PER2: variants seen among roughly 807,000 people sequenced by gnomAD.
PER2 encodes the protein period circadian regulator 2, also known as period circadian protein homolog 2.
Under a neutral mutation model 121.0 loss-of-function variants are expected in PER2, and 66 were observed. The observed-to-expected ratio is 0.55, with a 90% CI of 0.45 to 0.67. The LOEUF is 0.67. PER2 is among the 30% of genes least tolerant of loss of function. The pLI, the probability that PER2 is intolerant of heterozygous loss-of-function variation, is 0.00. For missense variants in PER2, 1,521 were observed against 1,635.0 expected (o/e 0.93, Z 1.20); for synonymous variants, 684 against 659.9 (o/e 1.04, Z -0.56).
chr2:238,288,946 A>G (rs943205498), upstream of PER2, among the ~76,000 whole-genome samples: 3 of 152,218 alleles, frequency 2.0e-5, no homozygotes. Flanking sequence ...TAAGACGCAC[A>G]TGGAACTCCA....
At chr2:238,279,136 G>A (rs1696551193) in intron 1 of PER2, among the ~76,000 whole-genome samples, 2 of 152,150 alleles carry the variant, frequency 1.3e-5, no homozygotes, top group South Asian at 4.1e-4. Context: ...ACCCAGTGAT[G>A]TCTCCCCATC....
At chr2:238,298,445 G>A in the PER2 span, 7 of 152,188 alleles carry the variant, frequency 4.6e-5, no homozygotes, top group African/African-American at 7.2e-5. Flanking sequence ...AAGGCTTCAC[G>A]TTGGAATCTA....
chr2:238,249,234 C>G, intron 21 of PER2, 22 bp from the exon 22 acceptor site: 1 of 1,609,304 alleles, frequency 6.2e-7, no homozygotes. Flanking sequence ...ATTTAGAAAT[C>G]GGTAAGCTTT....
At chr2:238,296,058 C>CACGGACACGGGCAGACA in the PER2 span, among the ~76,000 whole-genome samples, 1 of 135,384 alleles carries the variant, frequency 7.4e-6, no homozygotes, top group Non-Finnish European at 1.6e-5. Flanking sequence ...GTGTGCCCTC[C>CACGGACACGGGCAGACA]TGCTGCAGAG....
chr2:238,263,303 G>A (rs1037358826), intron 9 of PER2, among the ~76,000 whole-genome samples: 8 of 152,150 alleles, frequency 5.3e-5, no homozygotes, highest in African/African-American at 1.9e-4. Context: ...TCAGCTCTGC[G>A]TTTCACCTCC....
At chr2:238,297,227 G>C in the PER2 span, among the ~76,000 whole-genome samples, 7 of 152,360 alleles carry the variant, frequency 4.6e-5, no homozygotes, top group African/African-American at 1.7e-4. Flanking sequence ...AGAGGACCAG[G>C]AGAAATGACA....
intron 1 of PER2, among the ~76,000 whole-genome samples, chr2:238,286,605 C>CA (rs2106333959): frequency 6.6e-6 from 1 of 152,334 alleles, no homozygotes; most frequent in East Asian, 1.9e-4. Flanking sequence ...AGTGTGGCGA[C>CA]AGTCTCTGCC....
the PER2 span, among the ~76,000 whole-genome samples, chr2:238,296,083 T>TGTGA: frequency 2.4e-4 from 14 of 57,188 alleles, no homozygotes; most frequent in South Asian, 9.5e-4. Flanking sequence ...TCGTGTGCCC[T>TGTGA]CCTGCTGCAG....
intron 16 of PER2, 92 bp downstream of exon 16, chr2:238,258,184 C>T (rs1324382546): frequency 7.3e-7 from 1 of 1,376,608 alleles, no homozygotes; most frequent in Non-Finnish European, 1.0e-6. Flanking sequence ...TACACCCTTA[C>T]ACTGTGTCCA....
chr2:238,261,841 C>A lies in PER2; in HGVS notation c.1308-4G>T. ...CACGTCCTCATTCAAAGGGCCCCTG[C>A]GTGGTTTTAATTCATCTTGTTAGAT... On this transcript the variant is annotated splice_polypyrimidine_tract_variant and splice_region_variant and intron_variant, in intron 11 of 22. Transcript: ENST00000254657. The A allele has an allele frequency of 2.6e-6, 4 of 1,552,992 alleles. No homozygotes were observed. The highest frequency in any genetic ancestry group is 1.7e-6 in the Non-Finnish European group (2 of 1,146,566).
chr2:238,293,469 G>A (rs549422399), upstream of PER2, among the ~76,000 whole-genome samples: 95 of 152,142 alleles, frequency 6.2e-4, no homozygotes, highest in African/African-American at 2.0e-3. Context: ...GGTCATTAAG[G>A]CCATTAAGAA....
At chr2:238,261,018 T>C (rs1574846907) in intron 12 of PER2, 65 bp from the exon 13 acceptor site, 1 of 1,573,266 alleles carries the variant, frequency 6.4e-7, no homozygotes, top group Non-Finnish European at 8.7e-7. Flanking sequence ...TGTGGCCCCC[T>C]GCCAACACAC....
At chr2:238,277,036 A>G (rs1377597558) in intron 3 of PER2, 95 bp downstream of exon 3, 3 of 968,888 alleles carry the variant, frequency 3.1e-6, no homozygotes, top group South Asian at 1.3e-5. Flanking sequence ...AGCACAGCTT[A>G]AAAAAAGCCA....
chr2:238,259,667 G>C (rs144066314), intron 14 of PER2, among the ~76,000 whole-genome samples: 141 of 152,368 alleles, frequency 9.3e-4, no homozygotes, highest in African/African-American at 3.0e-3. Flanking sequence ...CTGCTGGCAG[G>C]CCAGGGTGCA....
At chr2:238,258,079 T>C (rs1199371919) in intron 16 of PER2, among the ~76,000 whole-genome samples, 197 bp downstream of exon 16, 2 of 152,256 alleles carry the variant, frequency 1.3e-5, no homozygotes, top group Non-Finnish European at 2.9e-5. Flanking sequence ...TGGCTTCCTG[T>C]TCTCAAAGCC....
intron 1 of PER2, among the ~76,000 whole-genome samples, chr2:238,284,226 C>T (rs1021679297): frequency 7.2e-5 from 11 of 152,000 alleles, no homozygotes; most frequent in African/African-American, 2.4e-4. Context: ...GTGGATCACC[C>T]GAGGTCAGGA....
At chr2:238,288,132 T>C (rs1170589519) in intron 1 of PER2, among the ~76,000 whole-genome samples, 1 of 152,112 alleles carries the variant, frequency 6.6e-6, no homozygotes, top group Non-Finnish European at 1.5e-5. Context: ...CGCCCCTCCA[T>C]GGCCCTTCCC....
In PER2 at chr2:238,251,659, C is replaced by T; in HGVS notation, c.3214G>A (p.Ala1072Thr). Residue 1072 changes from alanine (A) to threonine (T), a missense_variant, in exon 20 of 23, where the codon GCT (alanine) becomes ACT (threonine). Ala to Thr is a moderately conservative substitution (Grantham distance 58). Coordinates refer to ENST00000254657, the MANE Select transcript of PER2 (RefSeq NM_022817.3). ...CCGGAGCCCAGAGACTCCGAAGCAG[C>T]AGAGCCCGAGGCTGAGCAGAGGTCC... Reference protein sequence around the residue: ...NEDLCSASGSAASESLGSGSL... With the variant: ...NEDLCSASGSTASESLGSGSL... The T allele has an allele frequency of 6.2e-7, 1 of 1,614,218 alleles. No homozygotes were observed. Among genetic ancestry groups the T allele is most frequent in the Non-Finnish European group, 8.5e-7 (1 of 1,180,012 alleles).
At chr2:238,255,525 A>C in intron 18 of PER2, 132 bp downstream of exon 18, 1 of 925,792 alleles carries the variant, frequency 1.1e-6, no homozygotes. Context: ...TTGCCAGGGA[A>C]GTTCCAACAG....
Sources: gnomAD v4.1 joint callset for allele counts (sites outside exome capture counted in the v4.1 genomes callset) on GRCh38, gnomAD v4.1.1 for gene constraint, MANE v1.5 for transcripts, NCBI Gene and HGNC (gene_info 2026-07-23, HGNC 2026-07-21) for gene names.